CPXM2: variants seen among roughly 807,000 people sequenced by gnomAD.
CPXM2 encodes inactive carboxypeptidase-like protein X2.
Under a neutral mutation model 86.1 loss-of-function variants are expected in CPXM2, and 66 were observed. That is an observed-to-expected ratio of 0.77 (90% CI 0.63 to 0.94). The LOEUF is 0.94. Ranked by LOEUF, CPXM2 falls within the 40% of genes least tolerant of loss-of-function variation. The probability of loss-of-function intolerance (pLI) is 0.00; values close to 1 mark genes in which losing one functional copy is unlikely to be tolerated. For missense variants in CPXM2, 948 were observed against 1,026.3 expected (o/e 0.92, Z 1.04); for synonymous variants, 388 against 400.2 (o/e 0.97, Z 0.36).
rs149993451 is a variant in CPXM2 at position 123,782,942 on chromosome 10, T to C, written c.890-2687A>G. The stretch of plus-strand genomic sequence containing the variant: ...TCGGGAAAACCCATCAAAACCAAGA[T>C]GGTGACAAGAGTGACCTCTGGTAGT... On this transcript the variant is annotated intron_variant, in intron 6 of 13. Coordinates refer to ENST00000241305, the MANE Select transcript of CPXM2 (RefSeq NM_198148.3). Among the ~76,000 whole-genome samples, 691 of 152,314 alleles carry C rather than the reference T, an allele frequency of 4.5e-3. 7 individuals carry two copies. The highest frequency in any genetic ancestry group is 0.016 in the African/African-American group (657 of 41,554).
Position 123,902,650 on chromosome 10 carries a change from C to T in CPXM2, n.175-22341G>A, listed in dbSNP as rs185291662. On this transcript the variant is annotated intron_variant and non_coding_transcript_variant, in intron 2 of 19. Coordinates refer to the CPXM2 transcript ENST00000368854. ...TATGCTGGAAGGGGCACACAAGCACCCTTGGGCCTCTTTATAAGGGCACTG... is the reference window on the plus strand; with the variant it reads ...TATGCTGGAAGGGGCACACAAGCACTCTTGGGCCTCTTTATAAGGGCACTG... 9.1e-4 allele frequency among the ~76,000 whole-genome samples: 139 copies of T among 152,256 alleles called. 1 individual carries two copies. Among genetic ancestry groups the T allele is most frequent in the Non-Finnish European group, 1.6e-3 (109 of 68,018 alleles).
intron 2 of CPXM2, among the ~76,000 whole-genome samples, chr10:123,866,696 C>T (rs1365300540): frequency 6.6e-6 from 1 of 152,218 alleles, no homozygotes; most frequent in East Asian, 1.9e-4. Context: ...GAGTAATCCG[C>T]CTGCAATCTG....
Position 123,748,850 on chromosome 10 carries a change from G to A in CPXM2, c.2018-1833C>T, listed in dbSNP as rs192615969. On this transcript the variant is annotated intron_variant, in intron 13 of 13. Transcript: ENST00000241305. ...AGCCCGAGCGAGCCACCTCCTCCAC[G>A]TGCCCTCCCTGTCCTCTCCCCTCTC... is the stretch of plus-strand genomic sequence containing the variant. Among the ~76,000 whole-genome samples the A allele has an allele frequency of 8.2e-4, 125 of 152,064 alleles. 1 individual carries two copies. Among genetic ancestry groups the A allele is most frequent in the Admixed American group, 3.3e-3 (51 of 15,276 alleles).
chr10:123,795,681 C>T (rs1470749432), intron 6 of CPXM2, among the ~76,000 whole-genome samples: 3 of 151,808 alleles, frequency 2.0e-5, no homozygotes, highest in Non-Finnish European at 4.4e-5. Flanking sequence ...CCCCTCTGAG[C>T]AAACTGCTAA....
At chr10:123,797,949 G>C in intron 6 of CPXM2, 27 bp downstream of exon 6, 1 of 1,552,580 alleles carries the variant, frequency 6.4e-7, no homozygotes, top group South Asian at 1.3e-5. Context: ...CTCCCACCCT[G>C]CAGGAAGCAC....
chr10:123,752,578 C>CA lies in CPXM2; in HGVS notation c.2017+2084dup, dbSNP rs1473916898. The CA allele has an allele frequency of 2.0e-4, 193 of 985,262 alleles. 1 individual carries two copies. Among genetic ancestry groups the CA allele is most frequent in the Non-Finnish European group, 1.7e-4 (145 of 829,904 alleles). 61.0% of individuals were successfully genotyped at this position (985,262 alleles called of 1,614,324 possible). A position where few individuals can be genotyped will look rare whatever the true frequency, so the allele number is the denominator to read the frequency against. On this transcript the variant is annotated intron_variant, in intron 13 of 13. Coordinates refer to ENST00000241305, the MANE Select transcript of CPXM2 (RefSeq NM_198148.3). ...CCAGCCTCGCCTCATCCTAATGTCCCAAAGTCTGCTTCCTGGCAGGTGGAA... is the reference window on the plus strand; with the variant it reads ...CCAGCCTCGCCTCATCCTAATGTCCCAAAAGTCTGCTTCCTGGCAGGTGGAA...
intron 3 of CPXM2, among the ~76,000 whole-genome samples, chr10:123,848,780 A>G (rs1454867206): frequency 2.0e-5 from 3 of 152,220 alleles, no homozygotes; most frequent in Middle Eastern, 3.2e-3. Context: ...CGCCTTCAGA[A>G]ATGCATGCAG....
chr10:123,791,550 C>G (rs751093085), intron 6 of CPXM2, among the ~76,000 whole-genome samples: 1 of 152,182 alleles, frequency 6.6e-6, no homozygotes, highest in Non-Finnish European at 1.5e-5. Flanking sequence ...CCACATCACT[C>G]CGATCTCCAC....
chr10:123,861,580 G>A (rs572894503), intron 3 of CPXM2, among the ~76,000 whole-genome samples: 39 of 152,234 alleles, frequency 2.6e-4, no homozygotes, highest in Non-Finnish European at 4.6e-4. Flanking sequence ...AGGTGGGCCC[G>A]GTGTAATCTC....
chr10:123,919,382 A>G (rs1405526056), intron 2 of CPXM2, among the ~76,000 whole-genome samples: 2 of 152,220 alleles, frequency 1.3e-5, no homozygotes, highest in Non-Finnish European at 2.9e-5. Context: ...CCAGGATACA[A>G]TCTAAATTTA....
At chr10:123,921,023 G>C (rs1160952416) in intron 2 of CPXM2, among the ~76,000 whole-genome samples, 1 of 151,922 alleles carries the variant, frequency 6.6e-6, no homozygotes, top group Non-Finnish European at 1.5e-5. Context: ...TTCTGTTATA[G>C]CAACAAAAAA....
chr10:123,753,571 A>G (rs573405707), intron 13 of CPXM2, among the ~76,000 whole-genome samples: 236 of 152,326 alleles, frequency 1.5e-3, no homozygotes, highest in African/African-American at 5.0e-3. Flanking sequence ...TCAAAGGGAT[A>G]AAGTGAAAAC....
chr10:123,878,505 ACG>A (rs1491304798), intron 2 of CPXM2, among the ~76,000 whole-genome samples: 3 of 88,454 alleles, frequency 3.4e-5, no homozygotes, highest in African/African-American at 5.5e-5. Context: ...GCAAATTCAG[ACG>A]TGTGTGTGTG....
intron 3 of CPXM2, among the ~76,000 whole-genome samples, chr10:123,852,278 A>G (rs771065521): frequency 6.6e-6 from 1 of 152,086 alleles, no homozygotes; most frequent in African/African-American, 2.4e-5. Context: ...CCATTAGATT[A>G]CTAGATTATC....
chr10:123,834,845 G>A (rs746809755), intron 4 of CPXM2, among the ~76,000 whole-genome samples: 3 of 152,120 alleles, frequency 2.0e-5, no homozygotes, highest in Non-Finnish European at 2.9e-5. Context: ...TGCTCTATTA[G>A]TTTCCCCAAG....
At chr10:123,808,037 C>A (rs868211755) in intron 4 of CPXM2, among the ~76,000 whole-genome samples, 1 of 152,098 alleles carries the variant, frequency 6.6e-6, no homozygotes, top group Non-Finnish European at 1.5e-5. Context: ...ATCTCCCTCA[C>A]TTAAAAAATT....
At chr10:123,747,819 G>A (rs141641281) in intron 13 of CPXM2, among the ~76,000 whole-genome samples, 1,825 of 151,636 alleles carry the variant, frequency 0.012, 12 homozygotes, top group Non-Finnish European at 0.015. Flanking sequence ...CTACTCTGGA[G>A]GATGAGACAG....
Position 123,885,219 on chromosome 10 carries a change from G to A in CPXM2, c.305-4910C>T, listed in dbSNP as rs1265687635. On this transcript the variant is annotated intron_variant, in intron 1 of 13. Transcript: ENST00000241305. This position sits in a 1 kb window ranked among gnomAD's most constrained non-coding sequence, Gnocchi z 4.0. ...AACCTGGCTGGGGACTCAGGGTGGG[G>A]TTGGGAGGGGAGATGCCTCTGAGCT... 6.6e-6 allele frequency among the ~76,000 whole-genome samples: 1 copy of A among 150,944 alleles called. No individual in the cohort carries two copies. Among genetic ancestry groups the A allele is most frequent in the Non-Finnish European group, 1.5e-5 (1 of 67,732 alleles).
intron 1 of CPXM2, among the ~76,000 whole-genome samples, chr10:123,882,376 T>C (rs1247530923): frequency 1.3e-5 from 2 of 152,156 alleles, no homozygotes; most frequent in Admixed American, 6.5e-5. Context: ...CCTGCTTCTG[T>C]GGGCGGGAAC....
Sources: allele counts gnomAD v4.1 joint callset (sites outside exome capture counted in the v4.1 genomes callset), GRCh38; gene constraint gnomAD v4.1.1; non-coding constraint Gnocchi (gnomAD v3.1); transcripts MANE v1.5; gene names NCBI Gene and HGNC (gene_info 2026-07-23, HGNC 2026-07-21).